The following NTM variants were observed in gnomAD, a reference collection of about 807,000 sequenced individuals.
The protein encoded by NTM is IgLON family member 2.
A neutral mutation model predicts 42.1 loss-of-function variants in NTM; 13 were observed. The ratio of observed to expected loss-of-function variants is 0.31; its 90% confidence interval spans 0.20 to 0.49. The LOEUF (loss-of-function observed/expected upper bound fraction) is 0.49, where lower values mean the gene tolerates loss of function less well. NTM is among the 20% of genes least tolerant of loss of function. The pLI is 0.99. For missense variants in NTM, 373 were observed against 452.8 expected (o/e 0.82, Z 1.60); for synonymous variants, 187 against 179.2 (o/e 1.04, Z -0.35).
intron 1 of NTM, among the ~76,000 whole-genome samples, chr11:131,907,534 TA>T (rs1179423134): frequency 1.1e-4 from 17 of 152,338 alleles, no homozygotes; most frequent in African/African-American, 3.8e-4. Context: ...GTCCTATAGA[TA>T]TTTTTTATAA....
At chr11:132,321,039 C>T (rs1394927282) in intron 7 of NTM, among the ~76,000 whole-genome samples, 3 of 151,342 alleles carry the variant, frequency 2.0e-5, no homozygotes, top group South Asian at 4.2e-4. Flanking sequence ...TCACCATCAT[C>T]AAAGACCAAA....
intron 1 of NTM, among the ~76,000 whole-genome samples, chr11:131,878,595 ATATATATATATATATATATAT>A (rs1404277598): frequency 0.021 from 230 of 11,150 alleles, 52 homozygotes; most frequent in African/African-American, 0.056. Flanking sequence ...AAAAAAAAAA[ATATATATATATATATATATAT>A]ATATATATAT....
rs568612113 is a variant in NTM, at chr11:131,572,226, C to T, written c.82+201338C>T. ...GCCACAGTGCTTCCTAGGGAGGCCA[C>T]GGGGTCAGACCATCAGAGGTGCCCT... is the stretch of plus-strand genomic sequence containing the variant. On this transcript the variant is annotated intron_variant, in intron 1 of 8. Transcript: ENST00000683400. 3.9e-5 allele frequency among the ~76,000 whole-genome samples: 6 copies of T among 152,202 alleles called. No individual in the cohort carries two copies. In the East Asian group the frequency reaches 5.8e-4, roughly 15 times the overall value.
Position 131,552,544 on chromosome 11 carries a change from G to A in NTM, c.82+181656G>A, listed in dbSNP as rs143423272. Among the ~76,000 whole-genome samples the A allele has an allele frequency of 1.9e-3, 282 of 150,726 alleles. 2 individuals are homozygous for A. Among genetic ancestry groups the A allele is most frequent in the African/African-American group, 6.5e-3 (264 of 40,800 alleles). On this transcript the variant is annotated intron_variant, in intron 1 of 8. Coordinates refer to ENST00000683400, the MANE Select transcript of NTM (RefSeq NM_001352005.2). Reference sequence around the variant, plus strand: ...AAAATACCCTCAAGAGGCCGAGCGCGGTGGCTCACAACTGTAATCCCAGCA... The same window carrying A: ...AAAATACCCTCAAGAGGCCGAGCGCAGTGGCTCACAACTGTAATCCCAGCA...
intron 1 of NTM, among the ~76,000 whole-genome samples, chr11:131,708,754 T>C (rs1241008087): frequency 6.6e-6 from 1 of 152,154 alleles, no homozygotes; most frequent in Non-Finnish European, 1.5e-5. Context: ...AATCCTGAAA[T>C]ACCAATGAAC....
chr11:131,389,024 A>AAGAAAAGAAAAG (rs1555097643), intron 1 of NTM, among the ~76,000 whole-genome samples: 1 of 89,904 alleles, frequency 1.1e-5, no homozygotes, highest in Admixed American at 1.3e-4. Context: ...AAAAAAAAAA[A>AAGAAAAGAAAAG]AAAAGAAAAG....
chr11:131,984,815 T>C (rs1456301936), intron 2 of NTM, among the ~76,000 whole-genome samples: 1 of 152,222 alleles, frequency 6.6e-6, no homozygotes, highest in Non-Finnish European at 1.5e-5. Context: ...ACCTACATTA[T>C]TGCTTTCTTT....
intron 2 of NTM, among the ~76,000 whole-genome samples, chr11:132,006,025 T>C (rs75393236): frequency 0.025 from 3,796 of 152,314 alleles, 69 homozygotes; most frequent in South Asian, 0.054. Context: ...TCTGCATTAT[T>C]ATCTTGTCAG....
At chr11:132,238,031 A>G (rs767599465) in intron 4 of NTM, among the ~76,000 whole-genome samples, 2 of 152,192 alleles carry the variant, frequency 1.3e-5, no homozygotes, top group Non-Finnish European at 2.9e-5. Flanking sequence ...TCAGAGACCA[A>G]TTGTTTTACA....
intron 1 of NTM, among the ~76,000 whole-genome samples, chr11:131,728,291 A>T (rs78101503): frequency 1.5e-3 from 228 of 152,272 alleles, no homozygotes; most frequent in African/African-American, 5.3e-3. Flanking sequence ...CATCTGACCA[A>T]CCTGCTACAA....
intron 1 of NTM, among the ~76,000 whole-genome samples, chr11:131,410,379 A>C (rs1946250435): frequency 1.3e-5 from 2 of 151,976 alleles, no homozygotes; most frequent in South Asian, 4.2e-4. Context: ...CCAGCCATTT[A>C]GGAGGCTGAG....
chr11:131,956,167 C>T (rs917582017), intron 2 of NTM, among the ~76,000 whole-genome samples: 2 of 152,190 alleles, frequency 1.3e-5, no homozygotes, highest in African/African-American at 4.8e-5. Context: ...CAGTCAGGGC[C>T]AGGCGCAGAG....
intron 4 of NTM, among the ~76,000 whole-genome samples, chr11:132,230,623 C>CGCCATCT (rs2087337601): frequency 6.6e-6 from 1 of 152,248 alleles, no homozygotes; most frequent in South Asian, 2.1e-4. Flanking sequence ...TCTGAGCCTT[C>CGCCATCT]GCCATCTCCT....
At chr11:131,870,914 C>T (rs1237077528) in intron 1 of NTM, among the ~76,000 whole-genome samples, 1 of 152,110 alleles carries the variant, frequency 6.6e-6, no homozygotes, top group African/African-American at 2.4e-5. Context: ...CTATTTCAGA[C>T]CTGCTATAGT....
intron 2 of NTM, among the ~76,000 whole-genome samples, chr11:131,994,114 C>T (rs1310771650): frequency 1.3e-5 from 2 of 151,808 alleles, no homozygotes; most frequent in African/African-American, 4.8e-5. Flanking sequence ...TTAAAGAAGA[C>T]AGTATTAGCC....
intron 1 of NTM, among the ~76,000 whole-genome samples, chr11:131,393,780 C>T (rs952238125): frequency 1.3e-5 from 2 of 152,222 alleles, no homozygotes; most frequent in Admixed American, 1.3e-4. Flanking sequence ...AGATCTTATC[C>T]CTGTGAAGCA....
chr11:131,942,210 G>T (rs2059869549), intron 2 of NTM, among the ~76,000 whole-genome samples: 1 of 152,160 alleles, frequency 6.6e-6, no homozygotes, highest in South Asian at 2.1e-4. Flanking sequence ...GATTAGTAGG[G>T]CCAGCTGCTG....
intron 1 of NTM, among the ~76,000 whole-genome samples, chr11:131,592,606 T>C (rs1008914472): frequency 1.3e-5 from 2 of 148,710 alleles, no homozygotes; most frequent in Non-Finnish European, 1.5e-5. Context: ...ATTTCCTCTC[T>C]CCTATTCACC....
chr11:131,372,149 G>T (rs373864743), intron 1 of NTM, among the ~76,000 whole-genome samples: 1 of 152,178 alleles, frequency 6.6e-6, no homozygotes, highest in Non-Finnish European at 1.5e-5. Context: ...GTGGATCCAC[G>T]TAAGGTGGGC....
Sources: gnomAD v4.1 joint callset for allele counts (sites outside exome capture counted in the v4.1 genomes callset) on GRCh38, gnomAD v4.1.1 for gene constraint, MANE v1.5 for transcripts, NCBI Gene and HGNC (gene_info 2026-07-23, HGNC 2026-07-21) for gene names.